The following PACRG variants were observed in gnomAD, a reference collection of about 807,000 sequenced individuals.
The protein encoded by PACRG is parkin coregulated.
A neutral mutation model predicts 29.7 loss-of-function variants in PACRG; 29 were observed. The ratio of observed to expected loss-of-function variants is 0.98; its 90% CI spans 0.73 to 1.33. The LOEUF is 1.33. PACRG is among the 40% of genes most tolerant of loss of function. The probability of loss-of-function intolerance (pLI) is 0.00; values close to 1 mark genes in which losing one functional copy is unlikely to be tolerated. For synonymous variants in PACRG, 116 were observed against 118.7 expected (o/e 0.98, Z 0.15); for missense variants, 279 against 316.2 (o/e 0.88, Z 0.89).
chr6:162,953,425 A>C (rs1799800852), intron 2 of PACRG, among the ~76,000 whole-genome samples: 1 of 152,190 alleles, frequency 6.6e-6, no homozygotes, highest in African/African-American at 2.4e-5. Flanking sequence ...CTTAGAAGAT[A>C]ATACTGTAAA....
At chr6:162,975,678 G>A (rs936520112) in intron 2 of PACRG, among the ~76,000 whole-genome samples, 5 of 151,742 alleles carry the variant, frequency 3.3e-5, no homozygotes, top group African/African-American at 7.3e-5. Context: ...ATATCTATTC[G>A]AAATTAGTTT....
intron 4 of PACRG, among the ~76,000 whole-genome samples, chr6:163,278,619 G>T (rs1271458579): frequency 1.3e-5 from 2 of 152,064 alleles, no homozygotes; most frequent in Admixed American, 1.3e-4. Context: ...GTTTTTGTTT[G>T]CTTTGTCAAA....
At chr6:163,123,685 G>C (rs546975134) in intron 4 of PACRG, among the ~76,000 whole-genome samples, 4 of 152,124 alleles carry the variant, frequency 2.6e-5, no homozygotes, top group African/African-American at 9.7e-5. Flanking sequence ...CTAGTAACCA[G>C]CGTTCTATTG....
At chr6:162,939,269 A>G (rs62427533) in intron 2 of PACRG, among the ~76,000 whole-genome samples, 16,597 of 152,200 alleles carry the variant, frequency 0.11, 1,207 homozygotes, top group East Asian at 0.26. Flanking sequence ...TGGATCAAGG[A>G]CTTAAATCTA....
intron 4 of PACRG, among the ~76,000 whole-genome samples, chr6:163,125,210 A>T (rs1413245696): frequency 6.6e-6 from 1 of 152,250 alleles, no homozygotes; most frequent in African/African-American, 2.4e-5. Context: ...AGAAGAAAAT[A>T]AAGTCAGGAG....
chr6:162,970,376 T>C (rs9355416), intron 2 of PACRG, among the ~76,000 whole-genome samples: 87,585 of 151,496 alleles, frequency 0.58, 25,501 homozygotes, highest in Middle Eastern at 0.71. Context: ...TAGGTTCTAC[T>C]GGAGAGCTCA....
At chr6:162,953,774 A>G (rs1328140935) in intron 2 of PACRG, among the ~76,000 whole-genome samples, 2 of 151,968 alleles carry the variant, frequency 1.3e-5, no homozygotes, top group Non-Finnish European at 2.9e-5. Flanking sequence ...AACACAAGAA[A>G]GAACAGTGGC....
intron 4 of PACRG, among the ~76,000 whole-genome samples, chr6:163,136,512 C>T (rs1479097504): frequency 1.3e-5 from 2 of 152,204 alleles, no homozygotes; most frequent in African/African-American, 2.4e-5. Flanking sequence ...AAACAAAGTG[C>T]ATATCTCCAT....
chr6:163,093,952 C>T (rs902072942), intron 4 of PACRG, among the ~76,000 whole-genome samples: 16 of 152,174 alleles, frequency 1.1e-4, no homozygotes, highest in South Asian at 2.1e-4. Flanking sequence ...GTAATTTAAA[C>T]GGCTTCTAAG....
At chr6:162,855,908 C>T (rs1446845160) in intron 2 of PACRG, among the ~76,000 whole-genome samples, 11 of 152,174 alleles carry the variant, frequency 7.2e-5, no homozygotes, top group Non-Finnish European at 1.5e-4. Flanking sequence ...CCCCTTCTCA[C>T]GGAGTCCGGG....
intron 4 of PACRG, among the ~76,000 whole-genome samples, chr6:163,121,734 C>G (rs1024958362): frequency 6.8e-6 from 1 of 148,030 alleles, no homozygotes; most frequent in Admixed American, 6.8e-5. Context: ...GGCACGATCT[C>G]AGCTCACTGC....
At chr6:163,243,219 C>T (rs1372281533) in intron 4 of PACRG, among the ~76,000 whole-genome samples, 1 of 152,170 alleles carries the variant, frequency 6.6e-6, no homozygotes, top group Non-Finnish European at 1.5e-5. Context: ...AACAAATGTC[C>T]CGAACACCCA....
intron 1 of PACRG, among the ~76,000 whole-genome samples, chr6:162,787,582 G>GTGTGTGTGTATATATA (rs1198197561): frequency 1.6e-5 from 1 of 62,412 alleles, no homozygotes; most frequent in African/African-American, 6.0e-5. Flanking sequence ...GTGTGTGTGT[G>GTGTGTGTGTATATATA]TATATATATA....
chr6:163,230,290 A>C (rs1235683489), intron 4 of PACRG, among the ~76,000 whole-genome samples: 1 of 152,258 alleles, frequency 6.6e-6, no homozygotes, highest in Non-Finnish European at 1.5e-5. Flanking sequence ...TTAGGAAATT[A>C]TGCCCCTTAG....
chr6:162,865,146 C>G (rs1792190190), intron 2 of PACRG, among the ~76,000 whole-genome samples: 3 of 152,160 alleles, frequency 2.0e-5, no homozygotes. Context: ...TGGCCAAATT[C>G]TTGCTCTGGA....
At chr6:163,217,089 C>G (rs1014479925) in intron 4 of PACRG, among the ~76,000 whole-genome samples, 2 of 152,188 alleles carry the variant, frequency 1.3e-5, no homozygotes, top group Admixed American at 6.5e-5. Context: ...CCTAATAGGA[C>G]TGGGGTCTGG....
At chr6:162,834,045 C>T (rs1010165952) in intron 2 of PACRG, among the ~76,000 whole-genome samples, 2 of 152,054 alleles carry the variant, frequency 1.3e-5, no homozygotes, top group Non-Finnish European at 2.9e-5. Flanking sequence ...TGCTAACCAC[C>T]GCTTTACTTT....
At chr6:162,891,855 C>G (rs993691561) in intron 2 of PACRG, 1 of 152,372 alleles carries the variant, frequency 6.6e-6, no homozygotes, top group African/African-American at 2.4e-5. Flanking sequence ...ACATAACCAC[C>G]AGGCTGCCTG....
chr6:163,179,734 C>T (rs1274278269), intron 4 of PACRG, among the ~76,000 whole-genome samples: 1 of 150,832 alleles, frequency 6.6e-6, no homozygotes, highest in Non-Finnish European at 1.5e-5. Flanking sequence ...AATTTTCTTA[C>T]ATCACTAGTT....
Sources: allele counts gnomAD v4.1 joint callset (sites outside exome capture counted in the v4.1 genomes callset), GRCh38; gene constraint gnomAD v4.1.1; transcripts MANE v1.5; gene names NCBI Gene and HGNC (gene_info 2026-07-23, HGNC 2026-07-21).